Variants in CFAP53 observed in about 807,000 individuals in gnomAD.
CFAP53 encodes cilia and flagella associated protein 53.
In CFAP53, 62 loss-of-function variants were observed where a neutral mutation model predicts 59.7. That is an observed-to-expected ratio of 1.04 (90% CI 0.85 to 1.28). The LOEUF (loss-of-function observed/expected upper bound fraction) is 1.28. CFAP53 is among the 50% of genes most tolerant of loss of function. The pLI, the probability that CFAP53 is intolerant of heterozygous loss-of-function variation, is 0.00. For synonymous variants in CFAP53, 218 were observed against 205.7 expected (o/e 1.06, Z -0.51); for missense variants, 629 against 615.6 (o/e 1.02, Z -0.23).
chr18:50,251,371 G>A, intron 4 of CFAP53, 110 bp downstream of exon 4: 1 of 926,566 alleles, frequency 1.1e-6, no homozygotes, highest in Non-Finnish European at 1.6e-6. Context: ...AAATGGAAAT[G>A]TGCCTGTGAA....
At chr18:50,246,687 C>T (rs1599122661) in intron 5 of CFAP53, among the ~76,000 whole-genome samples, 1 of 152,206 alleles carries the variant, frequency 6.6e-6, no homozygotes, top group African/African-American at 2.4e-5. Flanking sequence ...AAAAAGACAA[C>T]CTATAGAATG....
At position 50,231,939 on chromosome 18, in the gene CFAP53, G is replaced by A. The variant is rs545224648; in HGVS notation, c.1317-4330C>T. Reference sequence around the variant, plus strand: ...TTTCCCTTACCCACCCCCTCTCCTGGGCCAACACAGGCAGAGTCCTCCCTT... The same window carrying A: ...TTTCCCTTACCCACCCCCTCTCCTGAGCCAACACAGGCAGAGTCCTCCCTT... On this transcript the variant is annotated intron_variant, in intron 7 of 7. Coordinates refer to ENST00000398545, the MANE Select transcript of CFAP53 (RefSeq NM_145020.5). Among the ~76,000 whole-genome samples, 8 of 152,168 alleles carry A rather than the reference G, an allele frequency of 5.3e-5. No homozygotes were observed. In the East Asian group the frequency reaches 1.5e-3, roughly 29 times the overall value.
rs1380541373 is a variant in CFAP53, at chr18:50,243,045, C to T, written c.1068G>A (p.Gln356=). The T allele has an allele frequency of 1.9e-6, 3 of 1,613,862 alleles. No individual in the cohort carries two copies. Among genetic ancestry groups the T allele is most frequent in the South Asian group, 1.1e-5 (1 of 91,076 alleles). Residue 356 remains glutamine, a synonymous_variant, in exon 6 of 8, where the codon CAG becomes CAA. Coordinates refer to ENST00000398545, the MANE Select transcript of CFAP53 (RefSeq NM_145020.5). ...LAQRREEEKA[Q]EKEFDRILEE... ...CTAATATTCTGTCAAATTCTTTCTC[C>T]TGAGCTTTTTCTTCCTCACGTCTCT...
At position 50,227,440 on chromosome 18, in the gene CFAP53, C is replaced by T; in HGVS notation, c.1486G>A (p.Val496Met). The T allele has an allele frequency of 6.2e-7, 1 of 1,614,170 alleles. No homozygotes were observed. Among genetic ancestry groups the T allele is most frequent in the Non-Finnish European group, 8.5e-7 (1 of 1,180,018 alleles). Residue 496 changes from valine to methionine, a missense_variant, in exon 8 of 8, where the codon GTG becomes ATG. Physicochemically the swap from Val to Met is conservative, Grantham distance 21 (BLOSUM62 1). Transcript: ENST00000398545. ...ATGGGATGAATGTTTTGAGGCAGCA[C>T]TTGATGGGTGGACAGGACCTCCTGG... ...KVQEVLSTHQ[V>M]LPQNIHPMRK...
intron 7 of CFAP53, among the ~76,000 whole-genome samples, chr18:50,235,791 C>T (rs1308823485): frequency 6.6e-6 from 1 of 152,136 alleles, no homozygotes; most frequent in East Asian, 1.9e-4. Context: ...CCACCCTGCC[C>T]AATTTAATTC....
At position 50,250,963 on chromosome 18, in the gene CFAP53, G is replaced by C. The variant is rs1468755162; in HGVS notation, c.791C>G (p.Ala264Gly). The change falls in exon 5 of 8, where the codon GCA (alanine) becomes GGA (glycine). Residue 264 changes from alanine (A) to glycine (G), a missense_variant. By Grantham distance (60) the Ala-to-Gly change is moderately conservative. Coordinates refer to ENST00000398545, the MANE Select transcript of CFAP53 (RefSeq NM_145020.5). ...EEARLVESNN[A>G]QIKHENEQDM... The stretch of plus-strand genomic sequence containing the variant: ...CTGTTCATTCTCATGTTTAATCTGT[G>C]CGTTGTTACTTTCCTAAGGTAGAAT... 6.2e-7 allele frequency: 1 copy of C among 1,613,768 alleles called. No individual in the cohort carries two copies. The highest frequency in any genetic ancestry group is 1.7e-5 in the Admixed American group (1 of 60,006).
At chr18:50,249,444 G>A (rs1177896173) in intron 5 of CFAP53, among the ~76,000 whole-genome samples, 1 of 150,840 alleles carries the variant, frequency 6.6e-6, no homozygotes, top group African/African-American at 2.4e-5. Flanking sequence ...GTTGAGCCTG[G>A]GAAGTTGAGG....
intron 3 of CFAP53, among the ~76,000 whole-genome samples, chr18:50,260,545 G>T (rs1304253681): frequency 3.9e-5 from 6 of 152,128 alleles, no homozygotes; most frequent in Non-Finnish European, 8.8e-5. Context: ...CGTGCCTATA[G>T]TCTCAGCTAC....
At chr18:50,263,516 GA>G (rs2033913202) in intron 1 of CFAP53, among the ~76,000 whole-genome samples, 1 of 152,216 alleles carries the variant, frequency 6.6e-6, no homozygotes, top group Non-Finnish European at 1.5e-5. Context: ...GGGTGGTAAG[GA>G]GACAGAAGAT....
At chr18:50,259,121 A>G (rs1692412495) in intron 3 of CFAP53, among the ~76,000 whole-genome samples, 1 of 152,194 alleles carries the variant, frequency 6.6e-6, no homozygotes, top group South Asian at 2.1e-4. Flanking sequence ...AAAGAAAGGA[A>G]ATCAGTATAT....
chr18:50,249,882 CTCTG>C (rs1568155859), intron 5 of CFAP53, among the ~76,000 whole-genome samples: 1 of 152,090 alleles, frequency 6.6e-6, no homozygotes, highest in Admixed American at 6.6e-5. Context: ...CAAGGAATCT[CTCTG>C]TATTATTTCT....
At chr18:50,242,158 G>C (rs989896424) in intron 6 of CFAP53, among the ~76,000 whole-genome samples, 28 of 152,106 alleles carry the variant, frequency 1.8e-4, no homozygotes, top group Non-Finnish European at 3.4e-4. Flanking sequence ...ATCTTTCCTT[G>C]TTCCCTGAAA....
At chr18:50,227,955 C>CTTTTT (rs1191228047) in intron 7 of CFAP53, among the ~76,000 whole-genome samples, 1,336 of 90,070 alleles carry the variant, frequency 0.015, 147 homozygotes, top group African/African-American at 0.018. Flanking sequence ...AACTTTTCTC[C>CTTTTT]TTTTTTTTTT....
rs1599126606 is a variant in CFAP53, at chr18:50,251,618, T to C, written c.640A>G (p.Lys214Glu). The change falls in exon 4 of 8, where the codon AAG becomes GAG. Residue 214 changes from lysine (K) to glutamate (E), a missense_variant. Coordinates refer to ENST00000398545, the MANE Select transcript of CFAP53 (RefSeq NM_145020.5). ...LWEEDRLAKE[K>E]REAQEARRQK... ...CTCCTCGCCTCTTGGGCTTCTCGCT[T>C]TTCCTTGGCTAATCGGTCTTCCTCC... 1 of 1,614,212 alleles carries C rather than the reference T, an allele frequency of 6.2e-7. No homozygotes were observed. The highest frequency in any genetic ancestry group is 8.5e-7 in the Non-Finnish European group (1 of 1,180,044).
At chr18:50,238,542 A>G (rs1239329213) in intron 7 of CFAP53, 61 bp downstream of exon 7, 1 of 1,155,222 alleles carries the variant, frequency 8.7e-7, no homozygotes, top group African/African-American at 1.5e-5. Flanking sequence ...GTGAGCCACC[A>G]TGGCTAGCCA....
intron 3 of CFAP53, among the ~76,000 whole-genome samples, chr18:50,259,658 C>T (rs944020240): frequency 6.6e-6 from 1 of 152,068 alleles, no homozygotes; most frequent in African/African-American, 2.4e-5. Context: ...GTCTTGAACT[C>T]CTGACCTCAG....
chr18:50,233,206 T>C (rs1345092514), intron 7 of CFAP53, among the ~76,000 whole-genome samples: 1 of 152,150 alleles, frequency 6.6e-6, no homozygotes, highest in African/African-American at 2.4e-5. Context: ...CGAAAACTCA[T>C]TTAAAGTTAA....
At chr18:50,263,954 A>G (rs1346181353) in intron 1 of CFAP53, among the ~76,000 whole-genome samples, 2 of 152,356 alleles carry the variant, frequency 1.3e-5, no homozygotes, top group East Asian at 3.9e-4. Flanking sequence ...AAAAAAGGTG[A>G]TGCCAATCCC....
In CFAP53 at chr18:50,261,247, A is replaced by G; in HGVS notation, c.300-10T>C. The G allele has an allele frequency of 6.8e-7, 1 of 1,470,498 alleles. No individual in the cohort carries two copies. The allele number at this position is 1,470,498 out of a possible 1,614,324, so 91.1% of individuals were successfully genotyped here. The stretch of plus-strand genomic sequence containing the variant: ...TAAAAGCTCACGTAGCCTGAAACAA[A>G]AAGCCAAAAAAAAAAAAAAAAAAAG... On this transcript the variant is annotated splice_polypyrimidine_tract_variant and intron_variant, in intron 2 of 7. Transcript: ENST00000398545.
Sources: gnomAD v4.1 joint callset for allele counts (sites outside exome capture counted in the v4.1 genomes callset) on GRCh38, gnomAD v4.1.1 for gene constraint, MANE v1.5 for transcripts, NCBI Gene and HGNC (gene_info 2026-07-23, HGNC 2026-07-21) for gene names.